SLC35F1: variants seen among roughly 807,000 people sequenced by gnomAD.
The protein encoded by SLC35F1 is solute carrier family 35 member F1.
A neutral mutation model predicts 48.7 loss-of-function variants in SLC35F1; 14 were observed. The ratio of observed to expected loss-of-function variants is 0.29; its 90% CI spans 0.19 to 0.45. The LOEUF (loss-of-function observed/expected upper bound fraction) is 0.45, where lower values mean the gene tolerates loss of function less well. Ranked by LOEUF, SLC35F1 falls within the 20% of genes least tolerant of loss-of-function variation. SLC35F1 has a pLI of 1.00. For missense variants in SLC35F1, 404 were observed against 500.0 expected, an observed-to-expected ratio of 0.81 and a Z score of 1.83; for synonymous variants, 190 against 202.2, an observed-to-expected ratio of 0.94 and a Z score of 0.51.
In SLC35F1 at chr6:118,219,719, G is replaced by A. The variant is rs527744838; in HGVS notation, c.350-15790G>A. Reference sequence around the variant, plus strand: ...ATGCTGCTATAAAGACACATGCTACGTATGTTTATTGCAGCAGTATTCACA... The same window carrying A: ...ATGCTGCTATAAAGACACATGCTACATATGTTTATTGCAGCAGTATTCACA... On this transcript the variant is annotated intron_variant, in intron 2 of 7. Transcript: ENST00000360388. 5.3e-5 allele frequency among the ~76,000 whole-genome samples: 8 copies of A among 152,256 alleles called. No individual in the cohort carries two copies. The East Asian group carries it at 1.2e-3, about 22-fold the overall frequency.
intron 1 of SLC35F1, among the ~76,000 whole-genome samples, chr6:118,122,866 C>T (rs1356792026): frequency 1.4e-4 from 21 of 152,130 alleles, no homozygotes; most frequent in Admixed American, 1.4e-3. Flanking sequence ...ATGAATAAGG[C>T]ACAGGGAAGA....
At chr6:118,044,716 A>G (rs1772275463) in intron 1 of SLC35F1, among the ~76,000 whole-genome samples, 1 of 152,090 alleles carries the variant, frequency 6.6e-6, no homozygotes, top group Non-Finnish European at 1.5e-5. Flanking sequence ...AAAATGACAT[A>G]GTCTATAGCT....
chr6:118,062,735 C>T (rs1002029529), intron 1 of SLC35F1, among the ~76,000 whole-genome samples: 1 of 151,146 alleles, frequency 6.6e-6, no homozygotes, highest in East Asian at 1.9e-4. Flanking sequence ...TGAAAAAAAC[C>T]CTTGTCTTAT....
At chr6:117,966,634 C>T (rs1004844741) in intron 1 of SLC35F1, among the ~76,000 whole-genome samples, 52 of 152,200 alleles carry the variant, frequency 3.4e-4, no homozygotes, top group African/African-American at 1.2e-3. Flanking sequence ...AGACCAAGAA[C>T]CAACCAATTC....
chr6:117,923,659 G>GTATATATACATATGTA (rs1775947074), intron 1 of SLC35F1, among the ~76,000 whole-genome samples: 1 of 28,838 alleles, frequency 3.5e-5, no homozygotes, highest in African/African-American at 1.4e-4. Flanking sequence ...ATGTACATAT[G>GTATATATACATATGTA]TATATATACA....
chr6:118,243,580 A>G (rs1775467991), intron 3 of SLC35F1, among the ~76,000 whole-genome samples: 1 of 152,234 alleles, frequency 6.6e-6, no homozygotes, highest in Non-Finnish European at 1.5e-5. Context: ...AAAGTCTGCA[A>G]CCAGCTCCAT....
intron 2 of SLC35F1, among the ~76,000 whole-genome samples, chr6:118,155,577 G>C (rs1774127695): frequency 6.6e-6 from 1 of 152,130 alleles, no homozygotes; most frequent in South Asian, 2.1e-4. Flanking sequence ...CCAGCCTCCA[G>C]AACCATAAGA....
At chr6:118,302,688 AC>A (rs1776267824) in intron 7 of SLC35F1, among the ~76,000 whole-genome samples, 1 of 152,182 alleles carries the variant, frequency 6.6e-6, no homozygotes, top group African/African-American at 2.4e-5. Flanking sequence ...AAGACATTAG[AC>A]AATTTAATTT....
At chr6:117,919,434 T>G (rs1430228596) in intron 1 of SLC35F1, among the ~76,000 whole-genome samples, 1 of 152,198 alleles carries the variant, frequency 6.6e-6, no homozygotes, top group Non-Finnish European at 1.5e-5. Flanking sequence ...CCAAGCACCA[T>G]GTAACTGTTA....
intron 3 of SLC35F1, among the ~76,000 whole-genome samples, chr6:118,258,931 CATAGATG>C (rs1775678690): frequency 6.6e-6 from 1 of 151,798 alleles, no homozygotes; most frequent in African/African-American, 2.4e-5. Flanking sequence ...TAAAAGAACA[CATAGATG>C]ACTTACCATA....
At chr6:117,958,220 A>T (rs536165323) in intron 1 of SLC35F1, among the ~76,000 whole-genome samples, 1 of 152,358 alleles carries the variant, frequency 6.6e-6, no homozygotes, top group Non-Finnish European at 1.5e-5. Flanking sequence ...ATATTTTTGC[A>T]TAGCTGTACA....
At chr6:118,156,571 G>A (rs1394149076) in intron 2 of SLC35F1, among the ~76,000 whole-genome samples, 1 of 151,944 alleles carries the variant, frequency 6.6e-6, no homozygotes, top group East Asian at 1.9e-4. Context: ...AATATCTAAT[G>A]TAAATGACGA....
chr6:117,938,143 A>G (rs901549340), intron 1 of SLC35F1, among the ~76,000 whole-genome samples: 1 of 152,080 alleles, frequency 6.6e-6, no homozygotes, highest in African/African-American at 2.4e-5. Flanking sequence ...TCTCTTTACT[A>G]TTTTGGGGGG....
intron 1 of SLC35F1, among the ~76,000 whole-genome samples, chr6:118,038,548 A>G (rs1201066258): frequency 6.6e-6 from 1 of 151,852 alleles, no homozygotes; most frequent in Non-Finnish European, 1.5e-5. Flanking sequence ...GTATTCTTTA[A>G]TTTATTTTAA....
chr6:118,237,979 A>G (rs1199604589), intron 3 of SLC35F1, among the ~76,000 whole-genome samples: 1 of 152,146 alleles, frequency 6.6e-6, no homozygotes, highest in East Asian at 1.9e-4. Flanking sequence ...TATTCAGTGC[A>G]ATCTGAAGTT....
rs1776192328 is a variant in SLC35F1 at position 117,938,815 on chromosome 6, T to C, written c.173+30916T>C. Among the ~76,000 whole-genome samples, 5 of 152,094 alleles carry C rather than the reference T, an allele frequency of 3.3e-5. No homozygotes were observed. In the South Asian group the frequency reaches 1.0e-3, roughly 32 times the overall value. On this transcript the variant is annotated intron_variant, in intron 1 of 7. Transcript: ENST00000360388. Reference sequence around the variant, plus strand: ...ACAAGGTAGCTTTGTCTGAATAGATTTAAGTGCCAGCTTACTGAATGCTAT... The same window carrying C: ...ACAAGGTAGCTTTGTCTGAATAGATCTAAGTGCCAGCTTACTGAATGCTAT...
At chr6:118,087,339 A>G (rs979915173) in intron 1 of SLC35F1, among the ~76,000 whole-genome samples, 1 of 152,116 alleles carries the variant, frequency 6.6e-6, no homozygotes, top group Non-Finnish European at 1.5e-5. Context: ...CTCCTTAAAG[A>G]TGCTAGCTCC....
chr6:118,013,249 C>A (rs1777275082), intron 1 of SLC35F1, among the ~76,000 whole-genome samples: 1 of 152,100 alleles, frequency 6.6e-6, no homozygotes, highest in South Asian at 2.1e-4. Context: ...CATGTGGGGA[C>A]TTTGAAGCTC....
At chr6:118,061,586 G>A (rs1382697607) in intron 1 of SLC35F1, among the ~76,000 whole-genome samples, 150 of 145,402 alleles carry the variant, frequency 1.0e-3, no homozygotes, top group African/African-American at 2.7e-3. Context: ...GTGTGTGTGT[G>A]TGTGTATATA....
Sources: gnomAD v4.1 joint callset for allele counts (sites outside exome capture counted in the v4.1 genomes callset) on GRCh38, gnomAD v4.1.1 for gene constraint, MANE v1.5 for transcripts, NCBI Gene and HGNC (gene_info 2026-07-23, HGNC 2026-07-21) for gene names.